GAB1: variants seen among roughly 807,000 people sequenced by gnomAD.
GAB1 encodes the protein GRB2 associated binding protein 1, also known as GRB2-associated-binding protein 1.
In GAB1, 19 loss-of-function variants were observed where a neutral mutation model predicts 66.5. The observed-to-expected ratio is 0.29, with a 90% confidence interval of 0.20 to 0.42. The LOEUF is 0.42. GAB1 is among the 10% of genes least tolerant of loss of function. The probability of loss-of-function intolerance (pLI) is 1.00; values close to 1 mark genes in which losing one functional copy is unlikely to be tolerated. For missense variants in GAB1, 732 were observed against 858.5 expected (o/e 0.85, Z 1.84); for synonymous variants, 294 against 301.4 (o/e 0.98, Z 0.25).
At chr4:143,383,181 G>A (rs886879590) in intron 1 of GAB1, among the ~76,000 whole-genome samples, 1 of 152,174 alleles carries the variant, frequency 6.6e-6, no homozygotes, top group Non-Finnish European at 1.5e-5. Flanking sequence ...GCTGTGTGTT[G>A]TAATGACTCT....
chr4:143,362,055 G>A (rs1030370688), intron 1 of GAB1, among the ~76,000 whole-genome samples: 4 of 151,858 alleles, frequency 2.6e-5, no homozygotes, highest in African/African-American at 9.7e-5. Context: ...CACCACCCCT[G>A]GCCTGTAGTG....
chr4:143,457,675 A>G (rs540494583), intron 6 of GAB1: 4 of 1,424,108 alleles, frequency 2.8e-6, no homozygotes, highest in African/African-American at 3.0e-5. Context: ...CTTTTTACCA[A>G]TTAGGTCAAA....
chr4:143,464,373 T>C (rs751680388), intron 8 of GAB1, among the ~76,000 whole-genome samples: 1 of 151,648 alleles, frequency 6.6e-6, no homozygotes, highest in Non-Finnish European at 1.5e-5. Flanking sequence ...GGATTACAGG[T>C]GCCCACCACC....
rs112489432 is a variant in GAB1, at chr4:143,363,001, C to T, written c.72+25741C>T. Among the ~76,000 whole-genome samples, 418 of 152,336 alleles carry T rather than the reference C, an allele frequency of 2.7e-3. 3 individuals carry two copies. The highest frequency in any genetic ancestry group is 9.6e-3 in the African/African-American group (400 of 41,566). Reference sequence around the variant, plus strand: ...ATAATTTTATCTCTGATTCATACAGCAGCCTTGAAAAGTAGACATTATTGT... The same window carrying T: ...ATAATTTTATCTCTGATTCATACAGTAGCCTTGAAAAGTAGACATTATTGT... On this transcript the variant is annotated intron_variant, in intron 1 of 9. Coordinates refer to ENST00000262994, the MANE Select transcript of GAB1 (RefSeq NM_002039.4).
intron 6 of GAB1, among the ~76,000 whole-genome samples, chr4:143,448,070 G>A (rs1056036564): frequency 6.6e-6 from 1 of 151,440 alleles, no homozygotes; most frequent in African/African-American, 2.5e-5. Context: ...CTTTGGTTCT[G>A]TCTTTATATG....
chr4:143,376,523 G>C (rs945240382), intron 1 of GAB1, among the ~76,000 whole-genome samples: 3 of 152,040 alleles, frequency 2.0e-5, no homozygotes, highest in Non-Finnish European at 4.4e-5. Context: ...ATATAGAAGA[G>C]TATTTAAAGT....
In GAB1 at chr4:143,433,519, A is replaced by G; in HGVS notation, c.396A>G (p.Leu132=). The change falls in exon 3 of 10, where the codon TTA becomes TTG. Residue 132 remains leucine (L), a synonymous_variant. Transcript: ENST00000262994. The part of the protein sequence containing the change: ...EDPVKPPGSS[L]QAPADLPLAI... ...CTGTGAAGCCACCTGGCAGCTCTTT[A>G]CAAGCACCAGCTGATTTACCTTTAG... The G allele has an allele frequency of 6.2e-7, 1 of 1,613,914 alleles. No homozygotes were observed. Among genetic ancestry groups the G allele is most frequent in the Non-Finnish European group, 8.5e-7 (1 of 1,179,856 alleles).
intron 1 of GAB1, among the ~76,000 whole-genome samples, chr4:143,382,337 TA>T (rs1187651058): frequency 6.6e-6 from 1 of 152,240 alleles, no homozygotes; most frequent in Non-Finnish European, 1.5e-5. Flanking sequence ...TCAGTCTATA[TA>T]TTTTTTTCTC....
At chr4:143,459,016 A>G (rs138974136) in intron 6 of GAB1, among the ~76,000 whole-genome samples, 4 of 152,252 alleles carry the variant, frequency 2.6e-5, no homozygotes, top group African/African-American at 9.6e-5. Context: ...CTTATTGAGT[A>G]TGAAATTGGT....
chr4:143,395,978 C>T (rs1457294516), intron 1 of GAB1: 1 of 455,188 alleles, frequency 2.2e-6, no homozygotes, highest in Admixed American at 2.4e-5. Context: ...AAGGAGAGGG[C>T]ATATGGATGA....
In GAB1 at chr4:143,469,311, G is replaced by C; in HGVS notation, c.*122G>C. 9.9e-7 allele frequency: 1 copy of C among 1,013,612 alleles called. No individual in the cohort carries two copies. The highest frequency in any genetic ancestry group is 2.7e-5 in the Admixed American group (1 of 36,876). 62.8% of individuals were successfully genotyped at this position (1,013,612 alleles called of 1,614,324 possible). ...TCAAATGAGTAGAGTTGAAGTCAAA[G>C]GACCTTTCTGACATAATCAAGCAAT... On this transcript the variant is annotated 3_prime_UTR_variant, in exon 10 of 10. Coordinates refer to ENST00000262994, the MANE Select transcript of GAB1 (RefSeq NM_002039.4).
intron 1 of GAB1, among the ~76,000 whole-genome samples, chr4:143,393,548 G>A (rs534184059): frequency 5.3e-5 from 8 of 152,176 alleles, no homozygotes; most frequent in Non-Finnish European, 8.8e-5. Context: ...AATGTATAAA[G>A]TGCATAGAAC....
At chr4:143,372,563 G>T (rs1055705194) in intron 1 of GAB1, among the ~76,000 whole-genome samples, 1 of 152,206 alleles carries the variant, frequency 6.6e-6, no homozygotes, top group African/African-American at 2.4e-5. Flanking sequence ...GGCTTAAATT[G>T]GGTCTGAAGT....
intron 1 of GAB1, among the ~76,000 whole-genome samples, chr4:143,345,071 A>G (rs967372124): frequency 6.6e-6 from 1 of 152,248 alleles, no homozygotes; most frequent in Admixed American, 6.5e-5. Flanking sequence ...TAGCAGAGCT[A>G]CTATATGCAA....
rs145325554 is a variant in GAB1, at chr4:143,462,787, G to A, written c.1803+2300G>A. ...AATGATTCTCCTGACTCAGCCTCTC[G>A]AGTAGCTGGGATTACAGGTTTGCGC... On this transcript the variant is annotated intron_variant, in intron 8 of 9. Transcript: ENST00000262994. Among the ~76,000 whole-genome samples the A allele has an allele frequency of 5.9e-5, 9 of 152,010 alleles. No individual in the cohort carries two copies. In the East Asian group the frequency reaches 1.2e-3, roughly 20 times the overall value.
chr4:143,339,023 G>C (rs150343053), intron 1 of GAB1, among the ~76,000 whole-genome samples: 10 of 152,288 alleles, frequency 6.6e-5, no homozygotes, highest in African/African-American at 1.9e-4. Flanking sequence ...AACCAGGAAA[G>C]AAATCAGCCA....
chr4:143,382,218 A>T (rs1209257103), intron 1 of GAB1, among the ~76,000 whole-genome samples: 1 of 152,170 alleles, frequency 6.6e-6, no homozygotes, highest in Non-Finnish European at 1.5e-5. Flanking sequence ...TTGTTGAAAC[A>T]TCTCTTCCTC....
chr4:143,342,008 G>A (rs1031446135), intron 1 of GAB1, among the ~76,000 whole-genome samples: 3 of 152,154 alleles, frequency 2.0e-5, no homozygotes, highest in Non-Finnish European at 4.4e-5. Flanking sequence ...ATTTTTTCTT[G>A]CCATCCTCAT....
At chr4:143,433,435 T>A in intron 2 of GAB1, 56 bp from the exon 3 acceptor site, 1 of 1,327,776 alleles carries the variant, frequency 7.5e-7, no homozygotes, top group Non-Finnish European at 1.1e-6. Flanking sequence ...GTAGCTTTGT[T>A]TTTCCAAAAA....
Sources: allele counts gnomAD v4.1 joint callset (sites outside exome capture counted in the v4.1 genomes callset), GRCh38; gene constraint gnomAD v4.1.1; transcripts MANE v1.5; gene names NCBI Gene and HGNC (gene_info 2026-07-23, HGNC 2026-07-21).